TENM2: variants seen among roughly 807,000 people sequenced by gnomAD.
TENM2 encodes teneurin transmembrane protein 2, also known as teneurin-2.
TENM2 carries 52 observed loss-of-function variants against 245.2 expected under a neutral mutation model. That is an observed-to-expected ratio of 0.21 (90% confidence interval 0.17 to 0.27). TENM2 has a LOEUF of 0.27. TENM2 is among the 10% of genes least tolerant of loss of function. TENM2 has a pLI of 1.00. For missense variants in TENM2, 3,046 were observed against 3,666.8 expected (o/e 0.83, Z 4.37); for synonymous variants, 1,363 against 1,438.9 (o/e 0.95, Z 1.19).
At chr5:167,096,526 C>T in the TENM2 span, among the ~76,000 whole-genome samples, 1 of 152,186 alleles carries the variant, frequency 6.6e-6, no homozygotes, top group African/African-American at 2.4e-5. Flanking sequence ...CAAGTCACTT[C>T]CTTCTGAGAT....
In TENM2 at chr5:168,247,308, T is replaced by C. The variant is rs1766673709; in HGVS notation, c.6369T>C (p.Ser2123=). ...ACCTCTACCGCTATGATGAGATTTC[T>C]GGCAAGGTGGAACACTTTGGTAAGT... The change falls in exon 27 of 29, where the codon TCT becomes TCC. Residue 2123 remains serine (S), a synonymous_variant. Coordinates refer to ENST00000518659, the Ensembl canonical transcript of TENM2. The surrounding 1 kb of genome is among the most constrained non-coding windows in gnomAD (Gnocchi z 7.8). 1 of 1,614,022 alleles carries C rather than the reference T, an allele frequency of 6.2e-7. No individual in the cohort carries two copies. Among genetic ancestry groups the C allele is most frequent in the Non-Finnish European group, 8.5e-7 (1 of 1,179,902 alleles).
chr5:167,277,757 A>C, the TENM2 span, among the ~76,000 whole-genome samples: 1 of 152,082 alleles, frequency 6.6e-6, no homozygotes, highest in Non-Finnish European at 1.5e-5. Context: ...CAGTTATATC[A>C]TTTTTTTGTT....
intron 2 of TENM2, among the ~76,000 whole-genome samples, chr5:167,597,855 G>A (rs1483257477): frequency 6.6e-6 from 1 of 152,110 alleles, no homozygotes; most frequent in Non-Finnish European, 1.5e-5. Flanking sequence ...ACATGTGCAT[G>A]CATGTGCACA....
chr5:167,342,507 C>CTTTTTTTTTTTTTTT lies in TENM2; in HGVS notation c.227-32674_227-32660dup, dbSNP rs35451881. Among the ~76,000 whole-genome samples, 5 of 54,278 alleles carry CTTTTTTTTTTTTTTT rather than the reference C, an allele frequency of 9.2e-5. 1 individual carries two copies. Among genetic ancestry groups the CTTTTTTTTTTTTTTT allele is most frequent in the African/African-American group, 2.4e-4 (3 of 12,434 alleles). The allele number at this position is 54,278 out of a possible 152,430, so 35.6% of individuals were successfully genotyped here. A position where few individuals can be genotyped will look rare whatever the true frequency, so the allele number is the denominator to read the frequency against. ...CAGGTTTCTCAACTGTAAAGTTATT[C>CTTTTTTTTTTTTTTT]TTTTTTTTTTTTTTTTTTTTTTTTT... On this transcript the variant is annotated intron_variant, in intron 1 of 28. Transcript: ENST00000518659.
At chr5:167,207,481 T>C in the TENM2 span, among the ~76,000 whole-genome samples, 21,512 of 152,228 alleles carry the variant, frequency 0.14, 1,675 homozygotes, top group South Asian at 0.21. Flanking sequence ...AAGGAATTCA[T>C]TTTTTTAAAA....
At chr5:168,229,385 G>A (rs74365113) in intron 25 of TENM2, among the ~76,000 whole-genome samples, 6,555 of 152,208 alleles carry the variant, frequency 0.043, 182 homozygotes, top group East Asian at 0.086. Context: ...GTCACCAAGA[G>A]GGAACAGTTC....
chr5:167,872,551 A>AG (rs1491457378), intron 2 of TENM2, among the ~76,000 whole-genome samples: 6 of 57,104 alleles, frequency 1.1e-4, no homozygotes, highest in African/African-American at 2.9e-4. Context: ...AAAGAAAGAG[A>AG]AAGAAAGAAA....
At chr5:167,288,923 T>C (rs1754473408) in intron 1 of TENM2, among the ~76,000 whole-genome samples, 1 of 152,224 alleles carries the variant, frequency 6.6e-6, no homozygotes, top group African/African-American at 2.4e-5. Flanking sequence ...GAAATTCACT[T>C]TCTAAGCCTT....
chr5:167,587,703 C>T (rs897212332), intron 2 of TENM2, among the ~76,000 whole-genome samples: 1 of 152,156 alleles, frequency 6.6e-6, no homozygotes, highest in Non-Finnish European at 1.5e-5. Flanking sequence ...ATTATGTATC[C>T]GTGGTTTTAT....
At chr5:166,981,270 TG>T in the TENM2 span, among the ~76,000 whole-genome samples, 3,447 of 152,296 alleles carry the variant, frequency 0.023, 170 homozygotes, top group Admixed American at 0.12. Context: ...AGCTTATTCA[TG>T]GGTCCCTTGA....
At chr5:168,131,930 T>C (rs1369452741) in intron 12 of TENM2, among the ~76,000 whole-genome samples, 1 of 152,196 alleles carries the variant, frequency 6.6e-6, no homozygotes, top group Non-Finnish European at 1.5e-5. Context: ...CCTTTTTTTA[T>C]TTTAAGTGAA....
intron 2 of TENM2, among the ~76,000 whole-genome samples, chr5:167,677,000 G>C (rs1756374378): frequency 6.6e-6 from 1 of 152,010 alleles, no homozygotes; most frequent in South Asian, 2.1e-4. Context: ...ATGCATGTTG[G>C]ACAATAAGGG....
chr5:167,989,298 GAGAT>G lies in TENM2; in HGVS notation c.948-3637_948-3634del, dbSNP rs1554167234. On this transcript the variant is annotated intron_variant, in intron 4 of 28. Coordinates refer to ENST00000518659, the Ensembl canonical transcript of TENM2. The stretch of plus-strand genomic sequence containing the variant: ...AGAGAGAGAGAGAGAGAGAGAGAGA[GAGAT>G]AGATAGATTTGTGAGTGCACAAAAT... Among the ~76,000 whole-genome samples, 606 of 147,750 alleles carry G rather than the reference GAGAT, an allele frequency of 4.1e-3. 7 individuals are homozygous for G. The highest frequency in any genetic ancestry group is 0.014 in the African/African-American group (536 of 39,406).
At chr5:168,174,008 G>A (rs1325207550) in intron 13 of TENM2, among the ~76,000 whole-genome samples, 1 of 152,200 alleles carries the variant, frequency 6.6e-6, no homozygotes, top group East Asian at 1.9e-4. Context: ...ATGGAGAATG[G>A]AGGAGGATGA....
intron 2 of TENM2, among the ~76,000 whole-genome samples, chr5:167,646,435 G>A (rs1276171971): frequency 6.6e-6 from 1 of 151,364 alleles, no homozygotes; most frequent in African/African-American, 2.4e-5. Flanking sequence ...GTGGAAATAC[G>A]GTTATTTCCA....
At chr5:167,085,215 A>G in the TENM2 span, among the ~76,000 whole-genome samples, 1 of 152,180 alleles carries the variant, frequency 6.6e-6, no homozygotes, top group Non-Finnish European at 1.5e-5. Context: ...CTCAAAATCA[A>G]AGGGGAGGAG....
intron 4 of TENM2, among the ~76,000 whole-genome samples, chr5:167,979,045 G>T (rs1782643077): frequency 6.6e-6 from 1 of 152,160 alleles, no homozygotes. Context: ...GATTAATAGT[G>T]GTAAATGGAT....
chr5:168,216,892 G>A lies in TENM2; in HGVS notation c.4203G>A (p.Leu1401=), dbSNP rs142918257. 1.9e-4 allele frequency: 310 copies of A among 1,614,000 alleles called. 5 individuals are homozygous for A. The East Asian group carries it at 6.9e-3, about 36-fold the overall frequency. The change falls in exon 22 of 29, where the codon CTG becomes CTA. Residue 1401 remains leucine, a synonymous_variant. Coordinates refer to ENST00000518659, the Ensembl canonical transcript of TENM2. ...ATGACCTCACTGCCGTCCGGCCGCT[G>A]AGCTGTGATTCCAGCATGGATGTAG...
chr5:167,684,026 T>C (rs1233561695), intron 2 of TENM2, among the ~76,000 whole-genome samples: 2 of 152,102 alleles, frequency 1.3e-5, no homozygotes, highest in African/African-American at 4.8e-5. Flanking sequence ...AACCAGAAGG[T>C]CTCCTCCTGC....
Sources: gnomAD v4.1 joint callset for allele counts (sites outside exome capture counted in the v4.1 genomes callset) on GRCh38, gnomAD v4.1.1 for gene constraint, Gnocchi (gnomAD v3.1) non-coding constraint, MANE v1.5 for transcripts, NCBI Gene and HGNC (gene_info 2026-07-23, HGNC 2026-07-21) for gene names.